CXADR: variants seen among roughly 807,000 people sequenced by gnomAD.
CXADR encodes coxsackievirus and adenovirus receptor.
CXADR carries 20 observed loss-of-function variants against 40.3 expected under a neutral mutation model. The ratio of observed to expected loss-of-function variants is 0.50; its 90% CI spans 0.35 to 0.72. The LOEUF (loss-of-function observed/expected upper bound fraction) is 0.72, where lower values mean the gene tolerates loss of function less well. CXADR is among the 30% of genes least tolerant of loss of function. The pLI is 0.01. For synonymous variants in CXADR, 150 were observed against 161.3 expected (o/e 0.93, Z 0.53); for missense variants, 332 against 449.1 (o/e 0.74, Z 2.36).
chr21:17,602,926 T>A, the CXADR span, among the ~76,000 whole-genome samples: 1 of 152,196 alleles, frequency 6.6e-6, no homozygotes, highest in Non-Finnish European at 1.5e-5. Context: ...TGGTTTAGGA[T>A]CATTATATTG....
chr21:17,539,920 A>G (rs1296587240), intron 1 of CXADR, among the ~76,000 whole-genome samples: 1 of 152,106 alleles, frequency 6.6e-6, no homozygotes, highest in African/African-American at 2.4e-5. Context: ...TGCAGTCTGT[A>G]TTAGTCTGCT....
At chr21:17,553,604 G>T (rs1420628487) in intron 3 of CXADR, among the ~76,000 whole-genome samples, 1 of 143,200 alleles carries the variant, frequency 7.0e-6, no homozygotes, top group Non-Finnish European at 1.5e-5. Flanking sequence ...ATTAACACCT[G>T]GTCCGAATTC....
the CXADR span, chr21:17,605,205 G>A: frequency 9.9e-6 from 5 of 505,504 alleles, no homozygotes; most frequent in Non-Finnish European, 1.7e-5. Flanking sequence ...ACCTATGTGA[G>A]CCCAAGGAAA....
Position 17,565,719 on chromosome 21 carries a change from T to C in CXADR, c.*27T>C. On this transcript the variant is annotated 3_prime_UTR_variant, in exon 7 of 7. Coordinates refer to ENST00000284878, the MANE Select transcript of CXADR (RefSeq NM_001338.5). ...GCCTCCATATGTCTCATCTGTGCTC[T>C]CCGTGTTCCTTTCCTTTTTTTGATA... is the stretch of plus-strand genomic sequence containing the variant. 4 of 1,587,204 alleles carry C rather than the reference T, an allele frequency of 2.5e-6. No homozygotes were observed. Among genetic ancestry groups the C allele is most frequent in the Non-Finnish European group, 3.4e-6 (4 of 1,166,168 alleles).
intron 3 of CXADR, among the ~76,000 whole-genome samples, chr21:17,557,524 C>A (rs189047935): frequency 4.4e-4 from 67 of 152,300 alleles, no homozygotes; most frequent in African/African-American, 1.6e-3. Context: ...TTTTGATAGA[C>A]CACACACTTG....
At chr21:17,563,540 T>G (rs1425985508) in intron 6 of CXADR, among the ~76,000 whole-genome samples, 3 of 152,042 alleles carry the variant, frequency 2.0e-5, no homozygotes, top group Non-Finnish European at 4.4e-5. Flanking sequence ...ACATCAAAGA[T>G]CACTGATCAC....
At chr21:17,573,797 C>A (rs1440550545), downstream of CXADR, among the ~76,000 whole-genome samples, 1 of 152,160 alleles carries the variant, frequency 6.6e-6, no homozygotes, top group Non-Finnish European at 1.5e-5. Flanking sequence ...ATCCCAGTTA[C>A]TCGGGAGGCT....
intron 3 of CXADR, among the ~76,000 whole-genome samples, chr21:17,558,660 T>G (rs1257264852): frequency 6.6e-6 from 1 of 152,046 alleles, no homozygotes; most frequent in Admixed American, 6.5e-5. Flanking sequence ...TCTCAAGTGG[T>G]CTTGCTGAAA....
rs2061202261 is a variant in CXADR, at chr21:17,565,888, GAA to G, written c.*199_*200del. On this transcript the variant is annotated 3_prime_UTR_variant, in exon 7 of 7. Coordinates refer to ENST00000284878, the MANE Select transcript of CXADR (RefSeq NM_001338.5). ...AGTTACAGGCACTAAAGTTAGTAAA[GAA>G]AAGTTTACCATCTGAAAAAGCTGGA... The G allele has an allele frequency of 8.0e-7, 1 of 1,250,516 alleles. No individual in the cohort carries two copies. Among genetic ancestry groups the G allele is most frequent in the Non-Finnish European group, 1.0e-6 (1 of 996,266 alleles). 77.5% of individuals were successfully genotyped at this position (1,250,516 alleles called of 1,614,324 possible). A position where few individuals can be genotyped will look rare whatever the true frequency, so the allele number is the denominator to read the frequency against.
intron 1 of CXADR, among the ~76,000 whole-genome samples, chr21:17,543,353 T>A (rs1002106117): frequency 6.6e-6 from 1 of 152,212 alleles, no homozygotes; most frequent in African/African-American, 2.4e-5. Context: ...GTATTTTATT[T>A]TGATCACTTT....
At chr21:17,546,976 G>A (rs776518105) in intron 1 of CXADR, 51 bp from the exon 2 acceptor site, 71 of 1,597,594 alleles carry the variant, frequency 4.4e-5, no homozygotes, top group Admixed American at 6.7e-5. Context: ...GCACTGTGTG[G>A]GCTGTCAGCG....
At position 17,568,963 on chromosome 21, in the gene CXADR, T is replaced by A; in HGVS notation, c.*3271T>A. On this transcript the variant is annotated 3_prime_UTR_variant, in exon 7 of 7. Coordinates refer to ENST00000284878, the MANE Select transcript of CXADR (RefSeq NM_001338.5). ...AATCACTATCCATATAGATCATGGATATAAAGAGATACCTGATTTTTATTA... is the reference window on the plus strand; with the variant it reads ...AATCACTATCCATATAGATCATGGAAATAAAGAGATACCTGATTTTTATTA... The A allele has an allele frequency of 1.0e-6, 1 of 983,196 alleles. No individual in the cohort carries two copies. The highest frequency in any genetic ancestry group is 1.2e-6 in the Non-Finnish European group (1 of 827,912). 60.9% of individuals were successfully genotyped at this position (983,196 alleles called of 1,614,324 possible). A position where few individuals can be genotyped will look rare whatever the true frequency, so the allele number is the denominator to read the frequency against.
chr21:17,558,187 A>G (rs997286938), intron 3 of CXADR, among the ~76,000 whole-genome samples: 39 of 152,082 alleles, frequency 2.6e-4, no homozygotes, highest in Middle Eastern at 3.4e-3. Context: ...GAGTGCAGTG[A>G]CATGATCAAA....
At chr21:17,584,011 A>G (rs1043287823) in intron 7 of CXADR, among the ~76,000 whole-genome samples, 5 of 152,226 alleles carry the variant, frequency 3.3e-5, no homozygotes, top group Non-Finnish European at 7.3e-5. Flanking sequence ...AGGCTTGCAT[A>G]CATAGGACAT....
intron 1 of CXADR, among the ~76,000 whole-genome samples, chr21:17,529,861 T>C (rs550077954): frequency 1.1e-4 from 17 of 152,260 alleles, no homozygotes; most frequent in Non-Finnish European, 2.1e-4. Flanking sequence ...CCTAGCAACC[T>C]GATCCGGAAA....
chr21:17,518,189 T>C (rs1407293821), intron 1 of CXADR, among the ~76,000 whole-genome samples: 1 of 152,090 alleles, frequency 6.6e-6, no homozygotes, highest in Non-Finnish European at 1.5e-5. Context: ...TAGAACTGTT[T>C]TCCAATTTGC....
chr21:17,602,682 C>A, the CXADR span, among the ~76,000 whole-genome samples: 1 of 152,038 alleles, frequency 6.6e-6, no homozygotes, highest in Non-Finnish European at 1.5e-5. Flanking sequence ...AAATTAGAAG[C>A]CTACTGAATG....
chr21:17,625,935 A>T, the CXADR span, among the ~76,000 whole-genome samples: 1 of 152,130 alleles, frequency 6.6e-6, no homozygotes, highest in South Asian at 2.1e-4. Context: ...TGAAGATTTT[A>T]TTTTTGCCTC....
chr21:17,594,067 T>A (rs1278068823), downstream of CXADR: 23 of 1,606,030 alleles, frequency 1.4e-5, no homozygotes, highest in Admixed American at 3.7e-4. Context: ...TTTCTCAACA[T>A]GACACCAACA....
Sources: allele counts gnomAD v4.1 joint callset (sites outside exome capture counted in the v4.1 genomes callset), GRCh38; gene constraint gnomAD v4.1.1; transcripts MANE v1.5; gene names NCBI Gene and HGNC (gene_info 2026-07-23, HGNC 2026-07-21).